The following TNFAIP8L3 variants were observed in gnomAD, a reference collection of about 807,000 sequenced individuals.
TNFAIP8L3 encodes the protein TNF alpha induced protein 8 like 3, also known as tumor necrosis factor alpha-induced protein 8-like protein 3.
A neutral mutation model predicts 11.8 loss-of-function variants in TNFAIP8L3; 7 were observed. The observed-to-expected ratio is 0.59, with a 90% CI of 0.34 to 1.11. TNFAIP8L3 has a LOEUF of 1.11. TNFAIP8L3 is among the 50% of genes most tolerant of loss of function. The probability of loss-of-function intolerance (pLI) is 0.03; values close to 1 mark genes in which losing one functional copy is unlikely to be tolerated. For missense variants in TNFAIP8L3, 219 were observed against 258.6 expected (o/e 0.85, Z 1.05); for synonymous variants, 98 against 103.8 (o/e 0.94, Z 0.34).
At chr15:51,065,537 AAC>A (rs754932681) in intron 1 of TNFAIP8L3, among the ~76,000 whole-genome samples, 5 of 152,224 alleles carry the variant, frequency 3.3e-5, no homozygotes, top group Admixed American at 2.6e-4. Context: ...GCATGGTAAG[AAC>A]AAGGTAATAA....
chr15:51,104,873 G>C, intron 1 of TNFAIP8L3: 1 of 1,048,952 alleles, frequency 9.5e-7, no homozygotes, highest in Non-Finnish European at 1.4e-6. Context: ...CACTAAATAA[G>C]AGATGGGCTG....
rs998709072 is a variant in TNFAIP8L3, at chr15:51,058,035, G to A, written c.461C>T (p.Thr154Met). 13 of 1,614,042 alleles carry A rather than the reference G, an allele frequency of 8.1e-6. No individual in the cohort carries two copies. Among genetic ancestry groups the A allele is most frequent in the East Asian group, 6.7e-5 (3 of 44,896 alleles). ...GTTGATGCGCCCGTGGGTCCTGGGCGTCAGGTGCCGCTGCACCAGTTCATG... is the reference window on the plus strand; with the variant it reads ...GTTGATGCGCCCGTGGGTCCTGGGCATCAGGTGCCGCTGCACCAGTTCATG... ...LVHELVQRHL[T>M]PRTHGRINHV... Residue 154 changes from threonine (T) to methionine (M), a missense_variant, in exon 2 of 2, where the codon ACG becomes ATG. Coordinates refer to ENST00000637513, the MANE Select transcript of TNFAIP8L3 (RefSeq NM_001311175.2).
chr15:51,058,589 A>T, intron 1 of TNFAIP8L3, 146 bp from the exon 2 acceptor site: 2 of 692,314 alleles, frequency 2.9e-6, no homozygotes, highest in South Asian at 2.4e-5. Context: ...ACTAAACCCC[A>T]CCCCAGCCTG....
intron 1 of TNFAIP8L3, among the ~76,000 whole-genome samples, chr15:51,083,026 AT>A (rs1567293286): frequency 6.6e-6 from 1 of 152,214 alleles, no homozygotes; most frequent in Non-Finnish European, 1.5e-5. Flanking sequence ...ATTAAGGGTG[AT>A]TGGGGCTAAT....
intron 1 of TNFAIP8L3, among the ~76,000 whole-genome samples, chr15:51,059,343 C>T (rs552353810): frequency 6.6e-6 from 1 of 152,276 alleles, no homozygotes; most frequent in South Asian, 2.1e-4. Flanking sequence ...TCTAAAAAGC[C>T]TCTTTCAATA....
intron 1 of TNFAIP8L3, among the ~76,000 whole-genome samples, chr15:51,068,199 A>G (rs931580087): frequency 1.3e-5 from 2 of 152,208 alleles, no homozygotes; most frequent in Admixed American, 6.5e-5. Context: ...GGATGAGTCA[A>G]GGATGACGAT....
At position 51,057,908 on chromosome 15, in the gene TNFAIP8L3, A is replaced by T; in HGVS notation, c.588T>A (p.Asn196Lys). 6.3e-7 allele frequency: 1 copy of T among 1,590,892 alleles called. No individual in the cohort carries two copies. ...AAAGGACTTTCTCATCTAGCAACTTATTGATTCCTTCACAAATCCTCTTGA... is the reference window on the plus strand; with the variant it reads ...AAAGGACTTTCTCATCTAGCAACTTTTTGATTCCTTCACAAATCCTCTTGA... ...PNLKRICEGI[N>K]KLLDEKVL The change falls in exon 2 of 2, where the codon AAT becomes AAA. Residue 196 changes from asparagine (N) to lysine (K), a missense_variant. By Grantham distance (94) the Asn-to-Lys change is moderately conservative. Coordinates refer to ENST00000637513, the MANE Select transcript of TNFAIP8L3 (RefSeq NM_001311175.2).
intron 1 of TNFAIP8L3, among the ~76,000 whole-genome samples, chr15:51,072,683 G>C (rs1297541420): frequency 6.6e-6 from 1 of 152,078 alleles, no homozygotes; most frequent in Non-Finnish European, 1.5e-5. Context: ...TTATTGAATA[G>C]TTCATACTTC....
chr15:51,075,427 G>A lies in TNFAIP8L3; in HGVS notation c.53-16984C>T, dbSNP rs570570409. 4.6e-5 allele frequency among the ~76,000 whole-genome samples: 7 copies of A among 152,094 alleles called. No homozygotes were observed. The South Asian group carries it at 8.3e-4, about 18-fold the overall frequency. ...CCACCCCTGGAGCCTCCCCATTTAC[G>A]CCCCTTCACACTCATGAGCTATTTT... is the stretch of plus-strand genomic sequence containing the variant. On this transcript the variant is annotated intron_variant, in intron 1 of 1. Transcript: ENST00000637513.
chr15:51,064,219 ATGTAGGACCCATGAT>A (rs2065256488), intron 1 of TNFAIP8L3, among the ~76,000 whole-genome samples: 1 of 152,200 alleles, frequency 6.6e-6, no homozygotes, highest in East Asian at 1.9e-4. Context: ...GACATGATGA[ATGTAGGACCCATGAT>A]TTATAACAGT....
At chr15:51,071,864 T>G (rs1055577915) in intron 1 of TNFAIP8L3, among the ~76,000 whole-genome samples, 2 of 152,228 alleles carry the variant, frequency 1.3e-5, no homozygotes, top group Admixed American at 1.3e-4. Context: ...TTTTTGCCAA[T>G]CTGATAGGTA....
At chr15:51,101,348 G>A (rs112671019) in intron 1 of TNFAIP8L3, among the ~76,000 whole-genome samples, 1,880 of 152,294 alleles carry the variant, frequency 0.012, 33 homozygotes, top group African/African-American at 0.043. Context: ...AGTGCGGGGC[G>A]TGGTGGCTCA....
chr15:51,058,219 G>C lies in TNFAIP8L3; in HGVS notation c.277C>G (p.Arg93Gly). The change falls in exon 2 of 2, where the codon CGG becomes GGG. Residue 93 changes from arginine to glycine, a missense_variant. Transcript: ENST00000637513. The stretch of plus-strand genomic sequence containing the variant: ...TCCTCTTGGCTAAACTGGTTGTTCC[G>C]GTAGAGGATCCCGATTTTGATCGCC... ...KVAIKIGILY[R>G]NNQFSQEELV... is the part of the protein sequence containing the mutation. 2 of 1,614,166 alleles carry C rather than the reference G, an allele frequency of 1.2e-6. No individual in the cohort carries two copies. Among genetic ancestry groups the C allele is most frequent in the South Asian group, 2.2e-5 (2 of 91,084 alleles).
chr15:51,101,844 G>A (rs1251703277), intron 1 of TNFAIP8L3, among the ~76,000 whole-genome samples: 6 of 150,524 alleles, frequency 4.0e-5, no homozygotes, highest in African/African-American at 1.2e-4. Context: ...TACTCGGGAG[G>A]CTGAGGCAAG....
rs2071893657 is a variant in TNFAIP8L3, at chr15:51,094,540, G to A, written c.52+4C>T. The A allele has an allele frequency of 4.0e-6, 6 of 1,499,004 alleles. No individual in the cohort carries two copies. The highest frequency in any genetic ancestry group is 5.3e-6 in the Non-Finnish European group (6 of 1,128,608). The allele number at this position is 1,499,004 out of a possible 1,614,324, so 92.9% of individuals were successfully genotyped here. ...CCGCCTGGGCCGTCGCGGCCCCTAG[G>A]TACCTGCGGCGGTCACGGGCTCGCC... On this transcript the variant is annotated splice_donor_region_variant and intron_variant, in intron 1 of 1. Transcript: ENST00000637513. The surrounding 1 kb of genome is among the most constrained non-coding windows in gnomAD (Gnocchi z 4.4).
At chr15:51,092,636 G>A (rs138721652) in intron 1 of TNFAIP8L3, among the ~76,000 whole-genome samples, 1 of 152,234 alleles carries the variant, frequency 6.6e-6, no homozygotes, top group African/African-American at 2.4e-5. Flanking sequence ...CACGAGAGCT[G>A]TCTGCCCTGT....
In TNFAIP8L3 at chr15:51,094,681, G is replaced by A. The variant is rs777218814; in HGVS notation, c.-86C>T. 23 of 1,189,078 alleles carry A rather than the reference G, an allele frequency of 1.9e-5. No individual in the cohort carries two copies. In the South Asian group the frequency reaches 3.8e-4, roughly 20 times the overall value. The allele number at this position is 1,189,078 out of a possible 1,614,324, so 73.7% of individuals were successfully genotyped here. On this transcript the variant is annotated 5_prime_UTR_variant, in exon 1 of 2. Coordinates refer to ENST00000637513, the MANE Select transcript of TNFAIP8L3 (RefSeq NM_001311175.2). The surrounding 1 kb of genome is among the most constrained non-coding windows in gnomAD (Gnocchi z 4.4). Reference sequence around the variant, plus strand: ...CCGCGGCGCACTCAGGGCGGACAGCGGGGCGGCTGGAGCCCGGGCGGCGCG... The same window carrying A: ...CCGCGGCGCACTCAGGGCGGACAGCAGGGCGGCTGGAGCCCGGGCGGCGCG...
intron 1 of TNFAIP8L3, among the ~76,000 whole-genome samples, chr15:51,060,687 G>A (rs1393613283): frequency 6.6e-6 from 1 of 152,168 alleles, no homozygotes; most frequent in Non-Finnish European, 1.5e-5. Context: ...TGTGTCAGGC[G>A]CTGTTTAACC....
rs1416729947 is a variant in TNFAIP8L3 at position 51,057,826 on chromosome 15, T to G, written c.*55A>C. 3 of 1,417,572 alleles carry G rather than the reference T, an allele frequency of 2.1e-6. No homozygotes were observed. Among genetic ancestry groups the G allele is most frequent in the Non-Finnish European group, 2.9e-6 (3 of 1,044,276 alleles). 87.8% of individuals were successfully genotyped at this position (1,417,572 alleles called of 1,614,324 possible). A position where few individuals can be genotyped will look rare whatever the true frequency, so the allele number is the denominator to read the frequency against. The stretch of plus-strand genomic sequence containing the variant: ...CTTATGTTCTTGATTCTCACCCAGA[T>G]CATGGTTGAGTGCTGTAACTTTAAA... On this transcript the variant is annotated 3_prime_UTR_variant, in exon 2 of 2. Coordinates refer to ENST00000637513, the MANE Select transcript of TNFAIP8L3 (RefSeq NM_001311175.2).
Sources: gnomAD v4.1 joint callset for allele counts (sites outside exome capture counted in the v4.1 genomes callset) on GRCh38, gnomAD v4.1.1 for gene constraint, Gnocchi (gnomAD v3.1) non-coding constraint, MANE v1.5 for transcripts, NCBI Gene and HGNC (gene_info 2026-07-23, HGNC 2026-07-21) for gene names.